Variants in ZNF496 observed in about 807,000 individuals in gnomAD.
ZNF496 encodes the protein zinc finger protein 496.
ZNF496 carries 11 observed loss-of-function variants against 58.9 expected under a neutral mutation model. The observed-to-expected ratio is 0.19, with a 90% confidence interval of 0.12 to 0.31. The LOEUF is 0.31. Among genes scored for constraint, ZNF496 ranks in the 10% least tolerant of loss-of-function variants. ZNF496 has a pLI of 1.00. For missense variants in ZNF496, 660 were observed against 783.0 expected (o/e 0.84, Z 1.88); for synonymous variants, 338 against 318.2 (o/e 1.06, Z -0.66).
Position 247,329,643 on chromosome 1 carries a change from C to T in ZNF496, c.-37-28G>A. On this transcript the variant is annotated intron_variant, in intron 3 of 9. Coordinates refer to ENST00000682384, the MANE Select transcript of ZNF496 (RefSeq NM_032752.3). This position sits in a 1 kb window ranked among gnomAD's most constrained non-coding sequence, Gnocchi z 5.5. ...ATTTCCAAACAGAAATCACTGGCTT[C>T]AGTGTTCTGGTCTCCTGTGGTCATT... The T allele has an allele frequency of 6.6e-7, 1 of 1,509,332 alleles. No homozygotes were observed. Among genetic ancestry groups the T allele is most frequent in the Admixed American group, 2.3e-5 (1 of 43,814 alleles). The allele number at this position is 1,509,332 out of a possible 1,614,324, so 93.5% of individuals were successfully genotyped here.
At chr1:247,325,182 G>T (rs1660082441) in intron 5 of ZNF496, among the ~76,000 whole-genome samples, 8 of 152,188 alleles carry the variant, frequency 5.3e-5, no homozygotes, top group Admixed American at 5.2e-4. Flanking sequence ...TGGCTATGTG[G>T]AACAAAGGAC....
rs771708596 is a variant in ZNF496, at chr1:247,308,436, A to G, written c.1006+39T>C. ...TACATTCATGCGACACACCACAGAC[A>G]CACAGGGACAAACCCATACCTCCCT... On this transcript the variant is annotated intron_variant, in intron 9 of 9. Transcript: ENST00000682384. The surrounding 1 kb of genome is among the most constrained non-coding windows in gnomAD (Gnocchi z 4.5). 6.3e-6 allele frequency: 10 copies of G among 1,575,158 alleles called. No individual in the cohort carries two copies. Among genetic ancestry groups the G allele is most frequent in the Non-Finnish European group, 7.9e-6 (9 of 1,145,034 alleles).
rs1052687443 is a variant in ZNF496, at chr1:247,329,388, C to G, written c.191G>C (p.Trp64Ser). 6.2e-7 allele frequency: 1 copy of G among 1,613,316 alleles called. No individual in the cohort carries two copies. Among genetic ancestry groups the G allele is most frequent in the African/African-American group, 1.3e-5 (1 of 74,932 alleles). Reference protein sequence around the residue: ...AGPREALQRLWDLCGGWLRPE... With the variant: ...AGPREALQRLSDLCGGWLRPE... The stretch of plus-strand genomic sequence containing the variant: ...CCGCAGCCAGCCCCCGCACAGGTCC[C>G]AGAGGCGCTGCAGGGCCTCCCGGGG... Residue 64 changes from tryptophan to serine, a missense_variant, in exon 4 of 10, where the codon TGG becomes TCG. Physicochemically the swap from Trp to Ser is radical, Grantham distance 177. Transcript: ENST00000682384. This position sits in a 1 kb window ranked among gnomAD's most constrained non-coding sequence, Gnocchi z 5.5.
intron 5 of ZNF496, among the ~76,000 whole-genome samples, chr1:247,325,345 A>G (rs1383043388): frequency 6.6e-6 from 1 of 152,230 alleles, no homozygotes; most frequent in Admixed American, 6.5e-5. Context: ...TTAAGTTTCT[A>G]TCTTCATCTT....
chr1:247,302,220 A>T (rs1303210061), intron 9 of ZNF496, among the ~76,000 whole-genome samples: 2 of 152,104 alleles, frequency 1.3e-5, no homozygotes, highest in African/African-American at 4.8e-5. Flanking sequence ...TCTGGGCTTC[A>T]TGACTGTGGG....
Position 247,297,872 on chromosome 1 carries a change from T to A in ZNF496, c.*2647A>T, listed in dbSNP as rs1224296329. 3 of 152,280 alleles carry A rather than the reference T, an allele frequency of 2.0e-5. No homozygotes were observed. Among genetic ancestry groups the A allele is most frequent in the Non-Finnish European group, 4.4e-5 (3 of 68,066 alleles). The allele number at this position is 152,280 out of a possible 1,614,324, so 9.4% of individuals were successfully genotyped here. A position where few individuals can be genotyped will look rare whatever the true frequency, so the allele number is the denominator to read the frequency against. ...GTGGGGACTCAAGAGACAGCCTCCC[T>A]GTGGCTTCCAGCCCCTCACATTCCC... On this transcript the variant is annotated 3_prime_UTR_variant, in exon 10 of 10. Transcript: ENST00000682384.
intron 6 of ZNF496, among the ~76,000 whole-genome samples, chr1:247,316,135 GGTGT>G (rs148003455): frequency 0.11 from 14,754 of 139,734 alleles, 851 homozygotes; most frequent in Middle Eastern, 0.22. Flanking sequence ...CTGGGAGAGG[GGTGT>G]GTGTGTGTGT....
At chr1:247,301,384 A>G (rs926657474) in intron 9 of ZNF496, 108 bp from the exon 10 acceptor site, 3 of 1,403,542 alleles carry the variant, frequency 2.1e-6, no homozygotes, top group African/African-American at 2.9e-5. Context: ...CCGTGTTTTT[A>G]CAATGGTCCT....
chr1:247,331,083 T>C (rs1246500365), intron 2 of ZNF496, among the ~76,000 whole-genome samples: 2 of 151,966 alleles, frequency 1.3e-5, no homozygotes, highest in Non-Finnish European at 2.9e-5. Context: ...ATCACACACC[T>C]GCAGCGCCCA....
intron 6 of ZNF496, among the ~76,000 whole-genome samples, chr1:247,318,825 TTTTTCC>T (rs1485435766): frequency 6.6e-6 from 1 of 152,238 alleles, no homozygotes; most frequent in Non-Finnish European, 1.5e-5. Context: ...ATAGGTTTTC[TTTTTCC>T]TTTTGAGTTT....
intron 9 of ZNF496, among the ~76,000 whole-genome samples, chr1:247,302,050 T>C (rs535641317): frequency 5.3e-5 from 8 of 152,292 alleles, no homozygotes; most frequent in African/African-American, 1.7e-4. Flanking sequence ...GGGGCGGGGC[T>C]GGGTGGACAG....
Position 247,329,401 on chromosome 1 carries a change from G to A in ZNF496, c.178C>T (p.Leu60=), listed in dbSNP as rs1343193877. 1.4e-5 allele frequency: 23 copies of A among 1,613,208 alleles called. No homozygotes were observed. The highest frequency in any genetic ancestry group is 1.9e-5 in the Non-Finnish European group (22 of 1,179,740). The change falls in exon 4 of 10, where the codon CTG becomes TTG. Residue 60 remains leucine, a synonymous_variant. Transcript: ENST00000682384. This position sits in a 1 kb window ranked among gnomAD's most constrained non-coding sequence, Gnocchi z 5.5. ...YQEAAGPREA[L]QRLWDLCGGW... ...CCGCACAGGTCCCAGAGGCGCTGCA[G>A]GGCCTCCCGGGGGCCCGCCGCCTCC... is the stretch of plus-strand genomic sequence containing the variant.
At chr1:247,306,496 CGTTTTT>C (rs1659414781) in intron 9 of ZNF496, among the ~76,000 whole-genome samples, 1 of 96,004 alleles carries the variant, frequency 1.0e-5, no homozygotes, top group Non-Finnish European at 2.5e-5. Flanking sequence ...TGCACCTGGC[CGTTTTT>C]TTTTTCTTTT....
intron 5 of ZNF496, among the ~76,000 whole-genome samples, chr1:247,325,647 G>A (rs964673996): frequency 6.6e-6 from 1 of 151,988 alleles, no homozygotes; most frequent in Non-Finnish European, 1.5e-5. Context: ...CTCTTTGACC[G>A]ATGTCTCCCA....
chr1:247,301,391 T>C, intron 9 of ZNF496, 115 bp from the exon 10 acceptor site: 1 of 1,372,618 alleles, frequency 7.3e-7, no homozygotes, highest in Non-Finnish European at 9.6e-7. Flanking sequence ...TTTACAATGG[T>C]CCTCGGTGAC....
In ZNF496 at chr1:247,308,240, T is replaced by A. The variant is rs1272788909; in HGVS notation, c.1006+235A>T. 6.6e-6 allele frequency among the ~76,000 whole-genome samples: 1 copy of A among 152,098 alleles called. No homozygotes were observed. The highest frequency in any genetic ancestry group is 2.1e-4 in the South Asian group (1 of 4,826). On this transcript the variant is annotated intron_variant, in intron 9 of 9. Coordinates refer to ENST00000682384, the MANE Select transcript of ZNF496 (RefSeq NM_032752.3). This position sits in a 1 kb window ranked among gnomAD's most constrained non-coding sequence, Gnocchi z 4.5. Reference sequence around the variant, plus strand: ...GATCCTGAGGGGTTCAGTTCCTAACTGTCCCATGCCATCACCACCGCACAT... The same window carrying A: ...GATCCTGAGGGGTTCAGTTCCTAACAGTCCCATGCCATCACCACCGCACAT...
At chr1:247,322,952 C>A in intron 6 of ZNF496, 1 of 716,524 alleles carries the variant, frequency 1.4e-6, no homozygotes, top group Non-Finnish European at 2.2e-6. Flanking sequence ...TGACAGTAGA[C>A]CCAGTGGGCG....
At chr1:247,310,740 T>C in intron 6 of ZNF496, 2 of 337,736 alleles carry the variant, frequency 5.9e-6, no homozygotes, top group Non-Finnish European at 5.5e-6. Flanking sequence ...GAGGGACTAA[T>C]CCCACTCATG....
chr1:247,314,890 G>A (rs1415299998), intron 6 of ZNF496, among the ~76,000 whole-genome samples: 1 of 151,966 alleles, frequency 6.6e-6, no homozygotes, highest in Non-Finnish European at 1.5e-5. Flanking sequence ...GGGACTCTAG[G>A]CATTCACTAC....
Sources: gnomAD v4.1 joint callset for allele counts (sites outside exome capture counted in the v4.1 genomes callset) on GRCh38, gnomAD v4.1.1 for gene constraint, Gnocchi (gnomAD v3.1) non-coding constraint, MANE v1.5 for transcripts, NCBI Gene and HGNC (gene_info 2026-07-23, HGNC 2026-07-21) for gene names.